The following IL1RN variants were observed in gnomAD, a reference collection of about 807,000 sequenced individuals.
IL1RN encodes the protein interleukin 1 receptor antagonist.
Under a neutral mutation model 13.7 loss-of-function variants are expected in IL1RN, and 10 were observed. The ratio of observed to expected loss-of-function variants is 0.73; its 90% confidence interval spans 0.45 to 1.24. The LOEUF is 1.24. Among genes scored for constraint, IL1RN ranks in the 50% most tolerant of loss-of-function variants. The probability of loss-of-function intolerance (pLI) is 0.00; values close to 1 mark genes in which losing one functional copy is unlikely to be tolerated. For missense variants in IL1RN, 213 were observed against 222.1 expected (o/e 0.96, Z 0.26); for synonymous variants, 102 against 82.7 (o/e 1.23, Z -1.27).
upstream of IL1RN, chr2:113,127,560 T>C (rs1374932624): frequency 3.3e-5 from 52 of 1,590,600 alleles, no homozygotes; most frequent in Non-Finnish European, 1.0e-5. Flanking sequence ...GGTGAGTGAC[T>C]ATTTCTTTAT....
At chr2:113,111,012 G>A (rs1444424722), upstream of IL1RN, 1 of 152,242 alleles carries the variant, frequency 6.6e-6, no homozygotes, top group African/African-American at 2.4e-5. Flanking sequence ...GCCAGTTGGA[G>A]TAACCAAAAG....
At chr2:113,100,343 G>GAAA in the IL1RN span, among the ~76,000 whole-genome samples, 2 of 117,074 alleles carry the variant, frequency 1.7e-5, no homozygotes, top group Admixed American at 7.7e-5. Flanking sequence ...AAAAAAAAAG[G>GAAA]CTGGAAAACT....
chr2:113,127,623 G>T lies in IL1RN; in HGVS notation c.-2G>T, dbSNP rs993661319. ...AGTCCACTGCCTTGCTGCAGTCACA[G>T]AATGGAAATCTGCAGAGGCCTCCGC... On this transcript the variant is annotated 5_prime_UTR_variant, in exon 1 of 4. Transcript: ENST00000409930. The T allele has an allele frequency of 6.2e-7, 1 of 1,613,878 alleles. No individual in the cohort carries two copies. The highest frequency in any genetic ancestry group is 8.5e-7 in the Non-Finnish European group (1 of 1,179,946).
upstream of IL1RN, among the ~76,000 whole-genome samples, chr2:113,124,952 T>G (rs1223788500): frequency 3.3e-5 from 5 of 152,144 alleles, 1 homozygote; most frequent in Admixed American, 3.3e-4. Flanking sequence ...ACTCTCTGAA[T>G]TCAGACTGGG....
At chr2:113,103,547 C>A (rs926487301), upstream of IL1RN, among the ~76,000 whole-genome samples, 1 of 152,162 alleles carries the variant, frequency 6.6e-6, no homozygotes, top group African/African-American at 2.4e-5. Context: ...AATGGATTCT[C>A]CCCCAGAGTC....
rs1489503902 is a variant in IL1RN, at chr2:113,133,497, T to A, written c.*626T>A. 1 of 157,790 alleles carries A rather than the reference T, an allele frequency of 6.3e-6. No homozygotes were observed. The highest frequency in any genetic ancestry group is 1.4e-5 in the Non-Finnish European group (1 of 71,186). The allele number at this position is 157,790 out of a possible 1,614,324, so 9.8% of individuals were successfully genotyped here. ...CTTTTCCCTTCTTTTTCTTCTTTTT[T>A]TGTGATGTCCCAACTTGTAAAAATT... On this transcript the variant is annotated 3_prime_UTR_variant, in exon 4 of 4. Coordinates refer to ENST00000409930, the MANE Select transcript of IL1RN (RefSeq NM_173842.3).
At chr2:113,115,629 C>T (rs1458613508), upstream of IL1RN, 1 of 152,250 alleles carries the variant, frequency 6.6e-6, no homozygotes, top group Non-Finnish European at 1.5e-5. Context: ...CCACGGTTCC[C>T]AAATGCCAGC....
upstream of IL1RN, among the ~76,000 whole-genome samples, chr2:113,113,510 A>G (rs1276984142): frequency 5.9e-5 from 9 of 152,216 alleles, no homozygotes; most frequent in African/African-American, 2.2e-4. Context: ...TATATCACAT[A>G]GTACCTATAA....
At chr2:113,120,982 TTCCTCCCCCTTCTCC>T (rs1352950622) in intron 2 of IL1RN, among the ~76,000 whole-genome samples, 11 of 151,886 alleles carry the variant, frequency 7.2e-5, no homozygotes, top group African/African-American at 2.7e-4. Context: ...CTTCTTCTTC[TTCCTCCCCCTTCTCC>T]TCTTCTTCTT....
chr2:113,108,672 C>T (rs573912880), upstream of IL1RN, among the ~76,000 whole-genome samples: 7 of 152,068 alleles, frequency 4.6e-5, no homozygotes, highest in South Asian at 2.1e-4. Context: ...GTGGGAATTG[C>T]GGGTGGTGGA....
chr2:113,120,039 A>G (rs754650809), intron 1 of IL1RN: 1 of 1,594,994 alleles, frequency 6.3e-7, no homozygotes, highest in Non-Finnish European at 8.6e-7. Context: ...CTCTCTACAC[A>G]ATGGGGTCCC....
rs1687200524 is a variant in IL1RN, at chr2:113,132,318, CAT to C, written c.319-337_319-336del. Among the ~76,000 whole-genome samples the C allele has an allele frequency of 2.6e-5, 4 of 152,166 alleles. No individual in the cohort carries two copies. The South Asian group carries it at 8.3e-4, about 31-fold the overall frequency. On this transcript the variant is annotated intron_variant, in intron 3 of 3. Transcript: ENST00000409930. The stretch of plus-strand genomic sequence containing the variant: ...AAAACATTAGACAGGTGTGGTGGTG[CAT>C]GCCTGTAATCCCAGCTACTCAGGAG...
upstream of IL1RN, among the ~76,000 whole-genome samples, chr2:113,123,500 C>T (rs1686850823): frequency 6.6e-6 from 1 of 152,200 alleles, no homozygotes; most frequent in African/African-American, 2.4e-5. Flanking sequence ...CTGAAGCCCT[C>T]CTCTGAATGA....
At chr2:113,099,564 G>A in the IL1RN span, among the ~76,000 whole-genome samples, 2 of 152,108 alleles carry the variant, frequency 1.3e-5, no homozygotes, top group Non-Finnish European at 2.9e-5. Context: ...CCTTCAAAGG[G>A]TCTGTGGACT....
upstream of IL1RN, among the ~76,000 whole-genome samples, chr2:113,126,265 T>C (rs931587222): frequency 6.6e-6 from 1 of 152,170 alleles, no homozygotes; most frequent in African/African-American, 2.4e-5. Flanking sequence ...AATATTAGGG[T>C]TTAAAGTTTC....
chr2:113,111,716 C>CTTTCCT (rs1191999328), intron 1 of IL1RN, among the ~76,000 whole-genome samples: 21 of 152,250 alleles, frequency 1.4e-4, no homozygotes, highest in Non-Finnish European at 2.5e-4. Flanking sequence ...TCCATTCAGT[C>CTTTCCT]TTTCCTTTAC....
At chr2:113,128,905 G>A (rs1687059630) in intron 1 of IL1RN, among the ~76,000 whole-genome samples, 1 of 152,180 alleles carries the variant, frequency 6.6e-6, no homozygotes, top group Non-Finnish European at 1.5e-5. Flanking sequence ...TCAGGTCACT[G>A]GCTGAGGTAG....
chr2:113,117,745 G>T, upstream of IL1RN: 1 of 585,292 alleles, frequency 1.7e-6, no homozygotes, highest in Non-Finnish European at 3.1e-6. Context: ...GTTTCTGCTA[G>T]CCTGAGTCAC....
At chr2:113,124,915 C>T (rs906103303), upstream of IL1RN, among the ~76,000 whole-genome samples, 1 of 152,136 alleles carries the variant, frequency 6.6e-6, no homozygotes, top group African/African-American at 2.4e-5. Context: ...GTTCCAGGAG[C>T]CCCGAGCGTC....
Sources: allele counts gnomAD v4.1 joint callset (sites outside exome capture counted in the v4.1 genomes callset), GRCh38; gene constraint gnomAD v4.1.1; transcripts MANE v1.5; gene names NCBI Gene and HGNC (gene_info 2026-07-23, HGNC 2026-07-21).